C19orf44: variants seen among roughly 807,000 people sequenced by gnomAD.
C19orf44 encodes the protein chromosome 19 open reading frame 44, also known as uncharacterized protein C19orf44.
C19orf44 carries 43 observed loss-of-function variants against 50.7 expected under a neutral mutation model. The observed-to-expected ratio is 0.85, with a 90% confidence interval of 0.66 to 1.09. The LOEUF (loss-of-function observed/expected upper bound fraction) is 1.09. C19orf44 is among the 50% of genes least tolerant of loss of function. The probability of loss-of-function intolerance (pLI) is 0.00; values close to 1 mark genes in which losing one functional copy is unlikely to be tolerated. For synonymous variants in C19orf44, 298 were observed against 334.7 expected, an observed-to-expected ratio of 0.89 and a Z score of 1.20; for missense variants, 722 against 836.2, an observed-to-expected ratio of 0.86 and a Z score of 1.68.
At chr19:16,506,208 C>A (rs972460525) in intron 3 of C19orf44, among the ~76,000 whole-genome samples, 1 of 136,608 alleles carries the variant, frequency 7.3e-6, no homozygotes, top group Non-Finnish European at 1.6e-5. Flanking sequence ...ATCTCCTGAC[C>A]TTGTGATCTG....
chr19:16,511,040 A>T (rs1430724406), intron 5 of C19orf44, among the ~76,000 whole-genome samples: 3 of 149,564 alleles, frequency 2.0e-5, no homozygotes, highest in African/African-American at 7.4e-5. Flanking sequence ...CCGGCCCTGT[A>T]TCTTTTTTTT....
At chr19:16,510,509 G>A (rs2093454182) in intron 5 of C19orf44, among the ~76,000 whole-genome samples, 1 of 152,134 alleles carries the variant, frequency 6.6e-6, no homozygotes, top group Non-Finnish European at 1.5e-5. Flanking sequence ...GAAGCATTCA[G>A]AAGGATCAGA....
intron 6 of C19orf44, 141 bp from the exon 7 acceptor site, chr19:16,514,356 C>G: frequency 5.8e-6 from 5 of 867,718 alleles, no homozygotes; most frequent in Non-Finnish European, 8.6e-6. Context: ...TGTACTCCAG[C>G]CTGGGTGGCA....
chr19:16,515,970 A>G (rs1010027859), intron 7 of C19orf44, among the ~76,000 whole-genome samples: 27 of 152,036 alleles, frequency 1.8e-4, no homozygotes, highest in Middle Eastern at 3.4e-3. Flanking sequence ...CTAATTTTTC[A>G]TATCTTTAGT....
chr19:16,518,162 G>A (rs574521135), intron 8 of C19orf44: 1 of 152,034 alleles, frequency 6.6e-6, no homozygotes, highest in Non-Finnish European at 1.5e-5. Flanking sequence ...GATTCCCAAC[G>A]GTCACCCACC....
chr19:16,510,763 T>C lies in C19orf44; in HGVS notation c.1639+775T>C, dbSNP rs193119947. On this transcript the variant is annotated intron_variant, in intron 5 of 8. Coordinates refer to ENST00000221671, the MANE Select transcript of C19orf44 (RefSeq NM_032207.4). ...TCTCACTCTGTTTTTAGAGATGGGG[T>C]CTTGCTATGTTGCCCAAGCTGGAGT... Among the ~76,000 whole-genome samples, 24 of 152,170 alleles carry C rather than the reference T, an allele frequency of 1.6e-4. No individual in the cohort carries two copies. In the East Asian group the frequency reaches 4.4e-3, roughly 28 times the overall value.
intron 4 of C19orf44, 109 bp downstream of exon 4, chr19:16,506,883 C>T: frequency 1.3e-6 from 1 of 743,438 alleles, no homozygotes; most frequent in South Asian, 2.0e-5. Context: ...ACTATGTTGC[C>T]CAGGCCGTCC....
At chr19:16,497,321 T>G (rs1428997811) in intron 1 of C19orf44, among the ~76,000 whole-genome samples, 1 of 150,808 alleles carries the variant, frequency 6.6e-6, no homozygotes. Context: ...GTGTGTGGAG[T>G]TTAGTGTCTG....
chr19:16,510,841 ATCCTCC>A (rs1462824727), intron 5 of C19orf44, among the ~76,000 whole-genome samples: 2 of 151,922 alleles, frequency 1.3e-5, no homozygotes, highest in Non-Finnish European at 2.9e-5. Flanking sequence ...GGCTCAGGTG[ATCCTCC>A]TACCTCAGCC....
intron 7 of C19orf44, 141 bp downstream of exon 7, chr19:16,514,804 TCC>T: frequency 5.8e-6 from 5 of 857,200 alleles, no homozygotes; most frequent in Non-Finnish European, 8.0e-6. Context: ...CCATCACCTG[TCC>T]CTGTGGAGGG....
chr19:16,502,462 G>A (rs571020504), intron 2 of C19orf44, among the ~76,000 whole-genome samples: 1 of 151,000 alleles, frequency 6.6e-6, no homozygotes, highest in Non-Finnish European at 1.5e-5. Context: ...GGTCTCGATC[G>A]CTTGACCTCA....
rs1328805575 is a variant in C19orf44, at chr19:16,503,292, G to A, written c.987G>A (p.Gly329=). 1 of 1,614,166 alleles carries A rather than the reference G, an allele frequency of 6.2e-7. No homozygotes were observed. The highest frequency in any genetic ancestry group is 1.3e-5 in the African/African-American group (1 of 75,040). Residue 329 remains glycine, a synonymous_variant, in exon 3 of 9, where the codon GGG becomes GGA. Coordinates refer to ENST00000221671, the MANE Select transcript of C19orf44 (RefSeq NM_032207.4). ...CAAACTCAGTGTCTTTAAAGATGGG[G>A]CATGTCAAGCTTGTGTCCTCCCCGG... ...AFSNSVSLKM[G]HVKLVSSPGR...
At chr19:16,509,116 G>A (rs529111969) in intron 4 of C19orf44, among the ~76,000 whole-genome samples, 29 of 150,414 alleles carry the variant, frequency 1.9e-4, no homozygotes, top group African/African-American at 6.1e-4. Context: ...CACTGTGCCC[G>A]GCTGAAAATT....
chr19:16,519,661 G>A lies in C19orf44; in HGVS notation c.*41-433G>A, dbSNP rs746781834. Reference sequence around the variant, plus strand: ...TCTGATGGCCTTTGTTCTCTTCTCCGAGCCTTGAGTCAGGGATGGGAGGCG... The same window carrying A: ...TCTGATGGCCTTTGTTCTCTTCTCCAAGCCTTGAGTCAGGGATGGGAGGCG... On this transcript the variant is annotated intron_variant, in intron 8 of 8. Transcript: ENST00000221671. The surrounding 1 kb of genome is among the most constrained non-coding windows in gnomAD (Gnocchi z 6.0). 17 of 1,613,930 alleles carry A rather than the reference G, an allele frequency of 1.1e-5. No homozygotes were observed. The African/African-American group carries it at 1.6e-4, about 15-fold the overall frequency.
chr19:16,514,333 G>A (rs963689199), intron 6 of C19orf44, among the ~76,000 whole-genome samples, 164 bp from the exon 7 acceptor site: 10 of 151,284 alleles, frequency 6.6e-5, no homozygotes, highest in Non-Finnish European at 5.9e-5. Context: ...GCAGTGCGCT[G>A]TGATGGCACC....
chr19:16,520,948 C>T lies in C19orf44; in HGVS notation c.*895C>T, dbSNP rs2085608223. ...CGGCATTCCGTGTGTGACCACGTGA[C>T]ACCCACCCACAAGGAAGTCGTGAAA... On this transcript the variant is annotated 3_prime_UTR_variant, in exon 9 of 9. Transcript: ENST00000221671. The surrounding 1 kb of genome is among the most constrained non-coding windows in gnomAD (Gnocchi z 4.0). 1 of 1,561,872 alleles carries T rather than the reference C, an allele frequency of 6.4e-7. No individual in the cohort carries two copies. Among genetic ancestry groups the T allele is most frequent in the Non-Finnish European group, 8.8e-7 (1 of 1,133,628 alleles).
Position 16,503,344 on chromosome 19 carries a change from G to C in C19orf44, c.1039G>C (p.Glu347Gln), listed in dbSNP as rs376391840. 9.9e-6 allele frequency: 16 copies of C among 1,613,182 alleles called. No individual in the cohort carries two copies. The highest frequency in any genetic ancestry group is 8.3e-5 in the Admixed American group (5 of 59,994). Residue 347 changes from glutamate (E) to glutamine (Q), a missense_variant, in exon 3 of 9, where the codon GAG (glutamate) becomes CAG (glutamine). Transcript: ENST00000221671. ...AAGGAGTGAGGCTGAGACTGTGGAC[G>C]AGCCAGTCTCAGAAGGTGCTGATGA... ...PGRSEAETVD[E>Q]PVSEGADDSL...
intron 3 of C19orf44, among the ~76,000 whole-genome samples, chr19:16,506,429 C>A (rs1318242639): frequency 6.6e-6 from 1 of 151,840 alleles, no homozygotes; most frequent in African/African-American, 2.4e-5. Context: ...CTTGTCTGTA[C>A]TAAAAATAGA....
At chr19:16,500,670 T>C in intron 1 of C19orf44, 122 bp from the exon 2 acceptor site, 2 of 991,470 alleles carry the variant, frequency 2.0e-6, no homozygotes, top group Non-Finnish European at 3.0e-6. Context: ...ATCCTTGGGC[T>C]TGAAGGGAAG....
Sources: gnomAD v4.1 joint callset for allele counts (sites outside exome capture counted in the v4.1 genomes callset) on GRCh38, gnomAD v4.1.1 for gene constraint, Gnocchi (gnomAD v3.1) non-coding constraint, MANE v1.5 for transcripts, NCBI Gene and HGNC (gene_info 2026-07-23, HGNC 2026-07-21) for gene names.